The following CDKAL1 variants were observed in gnomAD, a reference collection of about 807,000 sequenced individuals.
CDKAL1 encodes the protein CDKAL1 threonylcarbamoyladenosine tRNA methylthiotransferase.
A neutral mutation model predicts 68.2 loss-of-function variants in CDKAL1; 32 were observed. That is an observed-to-expected ratio of 0.47 (90% CI 0.35 to 0.63). CDKAL1 has a LOEUF of 0.63. CDKAL1 is among the 30% of genes least tolerant of loss of function. CDKAL1 has a pLI of 0.00. For synonymous variants in CDKAL1, 234 were observed against 244.3 expected (o/e 0.96, Z 0.39); for missense variants, 606 against 696.7 (o/e 0.87, Z 1.47).
intron 6 of CDKAL1, among the ~76,000 whole-genome samples, chr6:20,747,836 T>G (rs1773727381): frequency 6.6e-6 from 1 of 152,218 alleles, no homozygotes; most frequent in Non-Finnish European, 1.5e-5. Context: ...TTTAGCTTGA[T>G]GTAGTCCCAT....
chr6:21,046,986 A>C (rs1770274678), intron 11 of CDKAL1, among the ~76,000 whole-genome samples: 1 of 152,212 alleles, frequency 6.6e-6, no homozygotes, highest in Non-Finnish European at 1.5e-5. Flanking sequence ...TTTAACTGAA[A>C]GTTGCAAATA....
At chr6:21,165,837 C>T (rs1231383193) in intron 13 of CDKAL1, among the ~76,000 whole-genome samples, 1 of 152,128 alleles carries the variant, frequency 6.6e-6, no homozygotes, top group Admixed American at 6.6e-5. Context: ...GCTTTACGCA[C>T]CTGTGGGCAG....
intron 13 of CDKAL1, among the ~76,000 whole-genome samples, chr6:21,152,773 T>TAATAA (rs1776471851): frequency 6.6e-6 from 1 of 152,262 alleles, no homozygotes; most frequent in Non-Finnish European, 1.5e-5. Context: ...ACTTTTTGTC[T>TAATAA]TTTGTGATCT....
chr6:21,028,566 C>T (rs1340266741), intron 11 of CDKAL1, among the ~76,000 whole-genome samples: 3 of 152,060 alleles, frequency 2.0e-5, no homozygotes, highest in Non-Finnish European at 4.4e-5. Context: ...GGTGTCTCTT[C>T]CTTTCCCTAT....
At chr6:20,921,073 A>T (rs376449792) in intron 9 of CDKAL1, among the ~76,000 whole-genome samples, 73 of 152,286 alleles carry the variant, frequency 4.8e-4, no homozygotes, top group African/African-American at 1.7e-3. Flanking sequence ...TGGATGCTTT[A>T]CATAATTTAT....
intron 7 of CDKAL1, among the ~76,000 whole-genome samples, chr6:20,763,593 T>G (rs1307846489): frequency 6.6e-6 from 1 of 152,186 alleles, no homozygotes; most frequent in Admixed American, 6.5e-5. Flanking sequence ...TGATCCCTGT[T>G]GGGCTCTCTT....
intron 5 of CDKAL1, among the ~76,000 whole-genome samples, chr6:20,678,962 A>T (rs1014056088): frequency 1.3e-5 from 2 of 152,126 alleles, no homozygotes; most frequent in Non-Finnish European, 2.9e-5. Context: ...CAGTGTCATG[A>T]GGCATGGTTG....
chr6:20,957,695 G>T (rs1276108129), intron 10 of CDKAL1, among the ~76,000 whole-genome samples: 2 of 152,128 alleles, frequency 1.3e-5, no homozygotes, highest in Non-Finnish European at 2.9e-5. Context: ...AGCTGCCCAG[G>T]CTCAGTGGCT....
At chr6:21,158,466 GGT>G (rs1776750160) in intron 13 of CDKAL1, among the ~76,000 whole-genome samples, 1 of 152,156 alleles carries the variant, frequency 6.6e-6, no homozygotes, top group South Asian at 2.1e-4. Context: ...TTTGCCAGGG[GGT>G]GGGTTGGAGG....
At chr6:21,180,352 T>C (rs992444813) in intron 13 of CDKAL1, among the ~76,000 whole-genome samples, 8 of 151,974 alleles carry the variant, frequency 5.3e-5, no homozygotes, top group Non-Finnish European at 7.4e-5. Context: ...TTCTTTTTTT[T>C]TTTTTTTGAC....
At chr6:20,913,425 T>C (rs2150629387) in intron 9 of CDKAL1, among the ~76,000 whole-genome samples, 1 of 152,196 alleles carries the variant, frequency 6.6e-6, no homozygotes, top group East Asian at 1.9e-4. Flanking sequence ...TGTGGGCCTC[T>C]CCAATATGGC....
rs772332509 is a variant in CDKAL1 at position 20,548,642 on chromosome 6, C to T, written c.223C>T (p.His75Tyr). 3 of 1,601,262 alleles carry T rather than the reference C, an allele frequency of 1.9e-6. No homozygotes were observed. The highest frequency in any genetic ancestry group is 2.7e-5 in the African/African-American group (2 of 74,160). Residue 75 changes from histidine (H) to tyrosine (Y), a missense_variant, in exon 4 of 16, where the codon CAT becomes TAT. Transcript: ENST00000274695. ...KIWIRTWGCS[H>Y]NNSDGEYMAG... The stretch of plus-strand genomic sequence containing the variant: ...TTGGATACGAACATGGGGTTGTTCT[C>T]ATAATAATTCAGATGGAGAATATAT...
chr6:20,557,035 C>G (rs1274273856), intron 4 of CDKAL1, among the ~76,000 whole-genome samples: 1 of 70,382 alleles, frequency 1.4e-5, no homozygotes. Context: ...GAACGAGTCT[C>G]CATCTCAAAA....
intron 10 of CDKAL1, among the ~76,000 whole-genome samples, chr6:20,969,541 C>T (rs1765489379): frequency 6.6e-6 from 1 of 152,152 alleles, no homozygotes; most frequent in Non-Finnish European, 1.5e-5. Flanking sequence ...TAAGGGTCCA[C>T]TGTAATTCTG....
chr6:20,770,430 A>G (rs1350843769), intron 7 of CDKAL1, among the ~76,000 whole-genome samples: 1 of 152,214 alleles, frequency 6.6e-6, no homozygotes, highest in African/African-American at 2.4e-5. Flanking sequence ...AAATCCTGCG[A>G]TGTTTTTTAA....
chr6:20,694,324 T>A (rs1771019227), intron 5 of CDKAL1, among the ~76,000 whole-genome samples: 1 of 152,160 alleles, frequency 6.6e-6, no homozygotes, highest in African/African-American at 2.4e-5. Flanking sequence ...ATTACAGGCA[T>A]GAGCCACTGT....
chr6:21,177,049 A>T (rs1451346527), intron 13 of CDKAL1, among the ~76,000 whole-genome samples: 2 of 152,130 alleles, frequency 1.3e-5, no homozygotes, highest in African/African-American at 2.4e-5. Context: ...GTTAGATAAG[A>T]ATTATGATTT....
At chr6:20,858,005 G>C (rs11965417) in intron 9 of CDKAL1, among the ~76,000 whole-genome samples, 1 of 152,092 alleles carries the variant, frequency 6.6e-6, no homozygotes, top group African/African-American at 2.4e-5. Flanking sequence ...GATTACAGGC[G>C]CATGCCACGA....
intron 8 of CDKAL1, among the ~76,000 whole-genome samples, chr6:20,816,878 A>C (rs76354240): frequency 6.6e-6 from 1 of 152,032 alleles, no homozygotes; most frequent in South Asian, 2.1e-4. Context: ...GCTATTCTCT[A>C]TAATAATGGT....
Sources: allele counts gnomAD v4.1 joint callset (sites outside exome capture counted in the v4.1 genomes callset), GRCh38; gene constraint gnomAD v4.1.1; transcripts MANE v1.5; gene names NCBI Gene and HGNC (gene_info 2026-07-23, HGNC 2026-07-21).